Variants in MACF1 observed in about 807,000 individuals in gnomAD.
MACF1 encodes microtubule-actin cross-linking factor 1.
MACF1 carries 193 observed loss-of-function variants against 854.8 expected under a neutral mutation model. That is an observed-to-expected ratio of 0.23 (90% CI 0.20 to 0.25). MACF1 has a LOEUF of 0.25. MACF1 is among the 10% of genes least tolerant of loss of function. The pLI is 1.00. For missense variants in MACF1, 7,722 were observed against 8,929.1 expected (o/e 0.86, Z 5.45); for synonymous variants, 3,185 against 3,226.7 (o/e 0.99, Z 0.44).
At chr1:39,167,789 G>A (rs1021874083) in intron 2 of MACF1, among the ~76,000 whole-genome samples, 1 of 151,592 alleles carries the variant, frequency 6.6e-6, no homozygotes, top group Admixed American at 6.6e-5. Context: ...TAAGAGAATC[G>A]CTTGAGCCAA....
At chr1:39,282,889 A>C (rs1005103949) in intron 7 of MACF1, among the ~76,000 whole-genome samples, 1 of 152,204 alleles carries the variant, frequency 6.6e-6, no homozygotes, top group African/African-American at 2.4e-5. Flanking sequence ...TGAATGACAA[A>C]AATAAAAATT....
chr1:39,331,172 CTTT>C (rs71060310), intron 36 of MACF1, 28 bp from the exon 37 acceptor site: 6,819 of 1,294,912 alleles, frequency 5.3e-3, no homozygotes, highest in African/African-American at 6.6e-3. Context: ...TTCTCTTTTC[CTTT>C]TTTTTTTTTT....
At chr1:39,257,156 A>G (rs566395946) in intron 5 of MACF1, among the ~76,000 whole-genome samples, 70 of 152,358 alleles carry the variant, frequency 4.6e-4, no homozygotes, top group African/African-American at 1.4e-3. Context: ...GAAATAATTC[A>G]CATATCCTTC....
chr1:39,121,244 A>G (rs982951520), intron 2 of MACF1, among the ~76,000 whole-genome samples: 3 of 152,214 alleles, frequency 2.0e-5, no homozygotes, highest in Non-Finnish European at 4.4e-5. Flanking sequence ...AGCTAACGCC[A>G]TATCTCCTTA....
chr1:39,098,031 A>C (rs922536604), intron 2 of MACF1, among the ~76,000 whole-genome samples: 3 of 151,964 alleles, frequency 2.0e-5, no homozygotes, highest in African/African-American at 7.3e-5. Flanking sequence ...AATTCCCCAA[A>C]GAGTATAGAC....
intron 58 of MACF1, among the ~76,000 whole-genome samples, chr1:39,402,862 C>T (rs981644600): frequency 1.3e-5 from 2 of 152,036 alleles, no homozygotes; most frequent in East Asian, 1.9e-4. Context: ...TGTGCTCTTC[C>T]GTTCTCTTCT....
intron 20 of MACF1, among the ~76,000 whole-genome samples, chr1:39,297,068 C>T (rs1168022215): frequency 6.6e-6 from 1 of 151,856 alleles, no homozygotes; most frequent in Non-Finnish European, 1.5e-5. Context: ...GGACTACAGG[C>T]GCCCACCACC....
At chr1:39,340,164 A>G (rs778417355) in intron 38 of MACF1, among the ~76,000 whole-genome samples, 34 of 152,204 alleles carry the variant, frequency 2.2e-4, no homozygotes, top group Non-Finnish European at 3.8e-4. Flanking sequence ...TCAGAGAGGC[A>G]GCAAGTTACA....
At chr1:39,285,549 C>A in intron 13 of MACF1, 55 bp from the exon 14 acceptor site, 1 of 1,583,538 alleles carries the variant, frequency 6.3e-7, no homozygotes, top group Non-Finnish European at 8.6e-7. Context: ...TCCCTCTGTC[C>A]TAGTGAGTGG....
chr1:39,398,635 C>A (rs1642362549), intron 58 of MACF1, among the ~76,000 whole-genome samples: 1 of 152,178 alleles, frequency 6.6e-6, no homozygotes, highest in Non-Finnish European at 1.5e-5. Context: ...TTAAATAGTT[C>A]CACTCGCTGG....
intron 2 of MACF1, among the ~76,000 whole-genome samples, chr1:39,190,162 A>G (rs1255758365): frequency 1.3e-5 from 2 of 152,180 alleles, no homozygotes; most frequent in African/African-American, 4.8e-5. Flanking sequence ...GGTTAACCAG[A>G]GAGTGCTTTT....
chr1:39,326,023 T>A (rs374500825), intron 35 of MACF1, among the ~76,000 whole-genome samples: 1 of 151,986 alleles, frequency 6.6e-6, no homozygotes. Flanking sequence ...TTTGATTGAT[T>A]TGGGGTTGGG....
At chr1:39,160,749 C>T (rs567853357) in intron 2 of MACF1, among the ~76,000 whole-genome samples, 1 of 152,298 alleles carries the variant, frequency 6.6e-6, no homozygotes, top group South Asian at 2.1e-4. Flanking sequence ...CAATTCTGGG[C>T]TGCCAGGCAG....
chr1:39,379,095 C>G, intron 53 of MACF1, 108 bp from the exon 54 acceptor site: 1 of 1,145,154 alleles, frequency 8.7e-7, no homozygotes, highest in Non-Finnish European at 1.2e-6. Context: ...AAGATAATCT[C>G]TAATTCACTA....
At chr1:39,209,317 A>G (rs1451698193) in intron 1 of MACF1, among the ~76,000 whole-genome samples, 1 of 152,146 alleles carries the variant, frequency 6.6e-6, no homozygotes, top group African/African-American at 2.4e-5. Context: ...TCATTTGTCT[A>G]TTAAGAGGGT....
chr1:39,475,468 CA>C lies in MACF1; in HGVS notation c.21959-4313del, dbSNP rs71691475. 9.8e-3 allele frequency among the ~76,000 whole-genome samples: 1,185 copies of C among 121,130 alleles called. 17 individuals carry two copies. Among genetic ancestry groups the C allele is most frequent in the East Asian group, 0.074 (312 of 4,240 alleles). 79.5% of individuals were successfully genotyped at this position (121,130 alleles called of 152,430 possible). A position where few individuals can be genotyped will look rare whatever the true frequency, so the allele number is the denominator to read the frequency against. On this transcript the variant is annotated intron_variant, in intron 97 of 100. Transcript: ENST00000564288. The stretch of plus-strand genomic sequence containing the variant: ...TGGGTGACAAAGTGAGACCCTGTCT[CA>C]AAAAAAAAAAAAAAAATGCATTCTG...
chr1:39,301,395 G>C (rs1169954557), intron 22 of MACF1, among the ~76,000 whole-genome samples: 1 of 150,964 alleles, frequency 6.6e-6, no homozygotes, highest in Non-Finnish European at 1.5e-5. Context: ...CAAAGTGCTG[G>C]GATTACAGGC....
At chr1:39,110,826 A>G (rs1009286467) in intron 2 of MACF1, among the ~76,000 whole-genome samples, 2 of 152,202 alleles carry the variant, frequency 1.3e-5, no homozygotes, top group African/African-American at 4.8e-5. Flanking sequence ...TAAGCCTATT[A>G]TACTGGTATT....
chr1:39,210,167 T>C (rs189516185), intron 1 of MACF1, among the ~76,000 whole-genome samples: 1 of 152,260 alleles, frequency 6.6e-6, no homozygotes, highest in Admixed American at 6.5e-5. Context: ...GCTTCTAACC[T>C]TTTGAGATTT....
Sources: gnomAD v4.1 joint callset for allele counts (sites outside exome capture counted in the v4.1 genomes callset) on GRCh38, gnomAD v4.1.1 for gene constraint, MANE v1.5 for transcripts, NCBI Gene and HGNC (gene_info 2026-07-23, HGNC 2026-07-21) for gene names.